The following CMIP variants were observed in gnomAD, a reference collection of about 807,000 sequenced individuals.
CMIP encodes c-Maf inducing protein.
Under a neutral mutation model 97.3 loss-of-function variants are expected in CMIP, and 13 were observed. That is an observed-to-expected ratio of 0.13 (90% CI 0.09 to 0.21). The LOEUF (loss-of-function observed/expected upper bound fraction) is 0.21, where lower values mean the gene tolerates loss of function less well. CMIP is among the 10% of genes least tolerant of loss of function. CMIP has a pLI of 1.00. For synonymous variants in CMIP, 538 were observed against 436.3 expected (o/e 1.23, Z -2.91); for missense variants, 847 against 1,024.9 (o/e 0.83, Z 2.37).
chr16:81,700,128 C>T (rs1444970533), intron 15 of CMIP, among the ~76,000 whole-genome samples: 1 of 152,184 alleles, frequency 6.6e-6, no homozygotes, highest in Non-Finnish European at 1.5e-5. Context: ...ATTGGGGTAC[C>T]TGGGCGCAGC....
chr16:81,487,036 C>T (rs1318120526), intron 1 of CMIP, among the ~76,000 whole-genome samples: 1 of 152,252 alleles, frequency 6.6e-6, no homozygotes, highest in Non-Finnish European at 1.5e-5. Flanking sequence ...GCAGCTGGCG[C>T]AGCTTCGTTT....
chr16:81,523,671 T>C (rs947440160), intron 1 of CMIP, among the ~76,000 whole-genome samples: 1 of 152,210 alleles, frequency 6.6e-6, no homozygotes, highest in African/African-American at 2.4e-5. Context: ...GAACGAAGTC[T>C]GGAAAAGAAC....
At chr16:81,530,886 T>G (rs964573872) in intron 1 of CMIP, among the ~76,000 whole-genome samples, 3 of 152,228 alleles carry the variant, frequency 2.0e-5, no homozygotes, top group African/African-American at 7.2e-5. Flanking sequence ...CCAGGGAGAA[T>G]AATTGGAAAA....
At chr16:81,545,316 T>C (rs1305689658) in intron 1 of CMIP, among the ~76,000 whole-genome samples, 1 of 152,238 alleles carries the variant, frequency 6.6e-6, no homozygotes, top group Non-Finnish European at 1.5e-5. Flanking sequence ...CGTCCTTGTA[T>C]CACCAGCGCC....
rs1275020977 is a variant in CMIP at position 81,621,551 on chromosome 16, C to G, written c.477+625C>G. 1 of 153,214 alleles carries G rather than the reference C, an allele frequency of 6.5e-6. No individual in the cohort carries two copies. The highest frequency in any genetic ancestry group is 1.9e-4 in the East Asian group (1 of 5,186). The allele number at this position is 153,214 out of a possible 1,614,324, so 9.5% of individuals were successfully genotyped here. On this transcript the variant is annotated intron_variant, in intron 3 of 20. Transcript: ENST00000537098. The surrounding 1 kb of genome is among the most constrained non-coding windows in gnomAD (Gnocchi z 4.1). Reference sequence around the variant, plus strand: ...GGCGATGGAAACCTTGACGTCAGGACCAGGGCGTGAAGCACGTACAGTCAG... The same window carrying G: ...GGCGATGGAAACCTTGACGTCAGGAGCAGGGCGTGAAGCACGTACAGTCAG...
intron 2 of CMIP, among the ~76,000 whole-genome samples, chr16:81,613,757 A>G (rs747554698): frequency 1.3e-5 from 2 of 152,188 alleles, no homozygotes; most frequent in Non-Finnish European, 2.9e-5. Flanking sequence ...GCTGAGCAGA[A>G]TGGGTATATG....
rs1389446348 is a variant in CMIP at position 81,583,374 on chromosome 16, C to G, written c.301-24193C>G. 3.9e-5 allele frequency among the ~76,000 whole-genome samples: 6 copies of G among 152,366 alleles called. No homozygotes were observed. In the East Asian group the frequency reaches 1.2e-3, roughly 29 times the overall value. ...AGAAAAGGAGGCTCTGTTCTTTAAC[C>G]CTGAATGGGATCGGCCACTGATCTA... On this transcript the variant is annotated intron_variant, in intron 1 of 20. Transcript: ENST00000537098.
At chr16:81,589,565 A>G (rs1207062996) in intron 1 of CMIP, among the ~76,000 whole-genome samples, 1 of 150,190 alleles carries the variant, frequency 6.7e-6, no homozygotes, top group Non-Finnish European at 1.5e-5. Flanking sequence ...AGCCTGGCCC[A>G]TGCCGGGCAC....
At chr16:81,622,876 A>G (rs2092011184) in intron 3 of CMIP, among the ~76,000 whole-genome samples, 1 of 152,232 alleles carries the variant, frequency 6.6e-6, no homozygotes, top group Admixed American at 6.5e-5. Flanking sequence ...TTGGCTAGAA[A>G]GATGATTTAA....
In CMIP at chr16:81,614,302, G is replaced by A. The variant is rs1156483597; in HGVS notation, c.427-6574G>A. 6.6e-6 allele frequency among the ~76,000 whole-genome samples: 1 copy of A among 152,210 alleles called. No homozygotes were observed. On this transcript the variant is annotated intron_variant, in intron 2 of 20. Transcript: ENST00000537098. This position sits in a 1 kb window ranked among gnomAD's most constrained non-coding sequence, Gnocchi z 5.3. ...CATTCTAGGTGGCTGGAAGCGGCAC[G>A]GCATTGTTTCTAACTTGTGCTGTGT...
intron 1 of CMIP, among the ~76,000 whole-genome samples, chr16:81,553,175 A>AC (rs951625702): frequency 6.6e-6 from 1 of 151,962 alleles, no homozygotes; most frequent in Non-Finnish European, 1.5e-5. Context: ...GTTTTCTTCC[A>AC]CCCTGACTGT....
chr16:81,506,584 T>C lies in CMIP; in HGVS notation c.300+61043T>C, dbSNP rs377635447. On this transcript the variant is annotated intron_variant, in intron 1 of 20. Transcript: ENST00000537098. ...CAGAAGCTTGATTGGGGAAAAGTCT[T>C]CCGAATAGAAAGATGATCAAGTGGG... 1.8e-4 allele frequency among the ~76,000 whole-genome samples: 28 copies of C among 152,306 alleles called. No individual in the cohort carries two copies. In the South Asian group the frequency reaches 5.8e-3, roughly 32 times the overall value.
chr16:81,458,228 C>T (rs763161424), intron 1 of CMIP, among the ~76,000 whole-genome samples: 3 of 152,272 alleles, frequency 2.0e-5, no homozygotes, highest in South Asian at 2.1e-4. Flanking sequence ...CCAGACCCAT[C>T]CACGGCTGGG....
intron 1 of CMIP, among the ~76,000 whole-genome samples, chr16:81,572,778 A>G (rs1266840942): frequency 6.6e-6 from 1 of 152,154 alleles, no homozygotes; most frequent in Non-Finnish European, 1.5e-5. Flanking sequence ...TTGTGAAATC[A>G]GTTTGAGTGC....
At chr16:81,650,457 G>C (rs1416885818) in intron 3 of CMIP, among the ~76,000 whole-genome samples, 1 of 152,160 alleles carries the variant, frequency 6.6e-6, no homozygotes, top group Non-Finnish European at 1.5e-5. Flanking sequence ...GGAGAAGGGA[G>C]AGATGACGGG....
chr16:81,605,840 C>A (rs766363803), intron 1 of CMIP, among the ~76,000 whole-genome samples: 16 of 152,252 alleles, frequency 1.1e-4, no homozygotes, highest in Non-Finnish European at 2.2e-4. Context: ...TGCTGAATCT[C>A]CAGCACCTAG....
chr16:81,520,536 C>G (rs2089999068), intron 1 of CMIP: 4 of 130,246 alleles, frequency 3.1e-5, no homozygotes, highest in Admixed American at 2.4e-4. Context: ...CCCCATCTCT[C>G]AGAGAGAGAG....
chr16:81,512,365 C>A (rs1382951310), intron 1 of CMIP, among the ~76,000 whole-genome samples: 2 of 152,152 alleles, frequency 1.3e-5, no homozygotes, highest in Non-Finnish European at 2.9e-5. Flanking sequence ...TCCATCACCA[C>A]CCCCATCACC....
chr16:81,599,839 G>GGATT (rs1356737752), intron 1 of CMIP, among the ~76,000 whole-genome samples: 1 of 152,120 alleles, frequency 6.6e-6, no homozygotes, highest in Non-Finnish European at 1.5e-5. Context: ...GTTAAATGAG[G>GGATT]GATTATATAT....
Sources: allele counts gnomAD v4.1 joint callset (sites outside exome capture counted in the v4.1 genomes callset), GRCh38; gene constraint gnomAD v4.1.1; non-coding constraint Gnocchi (gnomAD v3.1); transcripts MANE v1.5; gene names NCBI Gene and HGNC (gene_info 2026-07-23, HGNC 2026-07-21).